XKR9: variants seen among roughly 807,000 people sequenced by gnomAD.
XKR9 encodes the protein XK related 9, also known as XK-related protein 9.
A neutral mutation model predicts 32.0 loss-of-function variants in XKR9; 32 were observed. The observed-to-expected ratio is 1.00, with a 90% CI of 0.76 to 1.34. The LOEUF is 1.34. XKR9 is among the 40% of genes most tolerant of loss of function. The pLI, the probability that XKR9 is intolerant of heterozygous loss-of-function variation, is 0.00. For synonymous variants in XKR9, 168 were observed against 143.4 expected (o/e 1.17, Z -1.22); for missense variants, 546 against 429.7 (o/e 1.27, Z -2.39).
chr8:70,883,397 G>T, the XKR9 span, among the ~76,000 whole-genome samples: 7 of 151,930 alleles, frequency 4.6e-5, no homozygotes, highest in East Asian at 1.4e-3. Flanking sequence ...CTCTTAGGTT[G>T]GTTTCATATC....
chr8:70,897,259 C>T, the XKR9 span, among the ~76,000 whole-genome samples: 1 of 152,064 alleles, frequency 6.6e-6, no homozygotes, highest in Non-Finnish European at 1.5e-5. Context: ...TGTGTATGTA[C>T]CACTTTTTCT....
At chr8:70,723,823 C>G (rs1009718031) in intron 4 of XKR9, among the ~76,000 whole-genome samples, 14 of 151,838 alleles carry the variant, frequency 9.2e-5, no homozygotes, top group African/African-American at 2.7e-4. Context: ...CAGTCTGTCC[C>G]TTATCAGAGC....
intron 2 of XKR9, chr8:70,678,158 AATCTAATTAAT>A: frequency 6.6e-6 from 1 of 152,114 alleles, no homozygotes; most frequent in Non-Finnish European, 1.5e-5. Context: ...TGCCCTGACC[AATCTAATTAAT>A]GTCACAGCCC....
the XKR9 span, among the ~76,000 whole-genome samples, chr8:70,900,857 G>A: frequency 3.3e-5 from 5 of 152,018 alleles, no homozygotes; most frequent in African/African-American, 1.2e-4. Flanking sequence ...CCCCACCTGT[G>A]TCCAAGTGTT....
chr8:71,001,177 G>T, the XKR9 span, among the ~76,000 whole-genome samples: 1 of 152,194 alleles, frequency 6.6e-6, no homozygotes, highest in South Asian at 2.1e-4. Context: ...ATAAATTATG[G>T]TAGATGACAT....
At chr8:70,739,873 C>G (rs962656387), downstream of XKR9, among the ~76,000 whole-genome samples, 4 of 152,156 alleles carry the variant, frequency 2.6e-5, no homozygotes, top group African/African-American at 9.7e-5. Context: ...GTGGGTAACC[C>G]AACCTTTCTC....
chr8:70,986,753 A>C, the XKR9 span, among the ~76,000 whole-genome samples: 1 of 152,254 alleles, frequency 6.6e-6, no homozygotes. Flanking sequence ...ATTAGTAAAA[A>C]GTAGATCAAA....
chr8:70,774,541 A>T (rs1439408586), intron 2 of XKR9, among the ~76,000 whole-genome samples: 1 of 152,112 alleles, frequency 6.6e-6, no homozygotes, highest in African/African-American at 2.4e-5. Flanking sequence ...TATATATTCA[A>T]CATTTAGATC....
chr8:70,854,175 CTCTCCAG>C, the XKR9 span, among the ~76,000 whole-genome samples: 1 of 152,200 alleles, frequency 6.6e-6, no homozygotes, highest in African/African-American at 2.4e-5. Context: ...TCTCCACATC[CTCTCCAG>C]CACCTGTTGT....
chr8:70,732,674 T>A (rs1227760741), intron 4 of XKR9, among the ~76,000 whole-genome samples: 1 of 152,218 alleles, frequency 6.6e-6, no homozygotes, highest in Non-Finnish European at 1.5e-5. Context: ...TTTTTATTAC[T>A]GAAATCAGTC....
the XKR9 span, among the ~76,000 whole-genome samples, chr8:70,991,595 A>G: frequency 6.6e-6 from 1 of 152,198 alleles, no homozygotes; most frequent in African/African-American, 2.4e-5. Context: ...AGCGTGACTC[A>G]GGCTCTTTAA....
intron 2 of XKR9, among the ~76,000 whole-genome samples, chr8:70,781,550 C>CA (rs371263868): frequency 0.43 from 58,586 of 136,948 alleles, 13,202 homozygotes; most frequent in Non-Finnish European, 0.55. Flanking sequence ...ACCCCATCTC[C>CA]AAAAAAAAAA....
At chr8:70,820,513 G>A in the XKR9 span, among the ~76,000 whole-genome samples, 1 of 152,142 alleles carries the variant, frequency 6.6e-6, no homozygotes, top group East Asian at 1.9e-4. Flanking sequence ...GAGGTGCCAG[G>A]CTCTTTTTAA....
At chr8:70,946,561 C>A in the XKR9 span, among the ~76,000 whole-genome samples, 1 of 152,270 alleles carries the variant, frequency 6.6e-6, no homozygotes, top group South Asian at 2.1e-4. Context: ...GGTTGAGTAG[C>A]TTGTCTAAGA....
chr8:70,978,973 A>G, the XKR9 span, among the ~76,000 whole-genome samples: 4 of 151,698 alleles, frequency 2.6e-5, no homozygotes, highest in Admixed American at 2.6e-4. Flanking sequence ...TTCTCACTTC[A>G]TTTCATTAAT....
intron 1 of XKR9, among the ~76,000 whole-genome samples, 190 bp from the exon 2 acceptor site, chr8:70,674,628 G>T (rs541155006): frequency 1.9e-4 from 29 of 152,310 alleles, no homozygotes; most frequent in Non-Finnish European, 3.4e-4. Flanking sequence ...AGCCTAGTCA[G>T]CCTATGAAAG....
intron 3 of XKR9, among the ~76,000 whole-genome samples, chr8:70,686,222 T>C (rs1439351683): frequency 6.8e-6 from 1 of 147,230 alleles, no homozygotes; most frequent in Non-Finnish European, 1.5e-5. Flanking sequence ...CTCAACACTT[T>C]AAATATTTCA....
At chr8:70,885,787 G>T in the XKR9 span, among the ~76,000 whole-genome samples, 2 of 152,088 alleles carry the variant, frequency 1.3e-5, no homozygotes. Flanking sequence ...TAGTAGAGAT[G>T]GGGTTTCACT....
the XKR9 span, among the ~76,000 whole-genome samples, chr8:70,830,879 TGACAGAGTTTG>T: frequency 6.6e-6 from 1 of 152,180 alleles, no homozygotes; most frequent in African/African-American, 2.4e-5. Flanking sequence ...AACTAGTAAA[TGACAGAGTTTG>T]GACATGAACC....
Sources: allele counts gnomAD v4.1 joint callset (sites outside exome capture counted in the v4.1 genomes callset), GRCh38; gene constraint gnomAD v4.1.1; transcripts MANE v1.5; gene names NCBI Gene and HGNC (gene_info 2026-07-23, HGNC 2026-07-21).